The following ADH5 variants were observed in gnomAD, a reference collection of about 807,000 sequenced individuals.
ADH5 encodes alcohol dehydrogenase 5 (class III), chi polypeptide.
A neutral mutation model predicts 40.3 loss-of-function variants in ADH5; 32 were observed. That is an observed-to-expected ratio of 0.79 (90% CI 0.60 to 1.07). The LOEUF is 1.07. Ranked by LOEUF, ADH5 falls within the 50% of genes least tolerant of loss-of-function variation. The pLI is 0.00. For missense variants in ADH5, 353 were observed against 460.5 expected (o/e 0.77, Z 2.14); for synonymous variants, 125 against 154.3 (o/e 0.81, Z 1.41).
In ADH5 at chr4:99,077,005, G is replaced by A. The variant is rs1334903831; in HGVS notation, c.345-82C>T. Reference sequence around the variant, plus strand: ...GAAAAAGAAATGTTTTAAAAATAATGACCAGTAAATATTAAGAAAGTGTTG... The same window carrying A: ...GAAAAAGAAATGTTTTAAAAATAATAACCAGTAAATATTAAGAAAGTGTTG... On this transcript the variant is annotated intron_variant, in intron 4 of 8. Transcript: ENST00000296412. 1.5e-5 allele frequency: 15 copies of A among 997,024 alleles called. No homozygotes were observed. In the East Asian group the frequency reaches 3.9e-4, roughly 26 times the overall value. 61.8% of individuals were successfully genotyped at this position (997,024 alleles called of 1,614,324 possible).
intron 6 of ADH5, 191 bp from the exon 7 acceptor site, chr4:99,075,240 G>A (rs1287124606): frequency 1.4e-5 from 4 of 280,408 alleles, no homozygotes; most frequent in Admixed American, 1.3e-4. Flanking sequence ...TTTTTTTTTT[G>A]AGATAAGAGT....
At chr4:99,084,679 T>C (rs373165753) in intron 2 of ADH5, among the ~76,000 whole-genome samples, 57 of 152,368 alleles carry the variant, frequency 3.7e-4, no homozygotes, top group East Asian at 3.5e-3. Context: ...CACTTTATCC[T>C]ATGAACTCAC....
Position 99,088,691 on chromosome 4 carries a change from C to A in ADH5, c.10G>T (p.Glu4Ter). Residue 4 changes from glutamate to a stop codon, truncating the protein, a stop_gained and splice_region_variant, in exon 1 of 9, where the codon GAG becomes TAG. Coordinates refer to ENST00000296412, the MANE Select transcript of ADH5 (RefSeq NM_000671.4). LOFTEE classifies it high-confidence loss of function. MAN[E>*]VIKCKAAVAW... ...GCCCTCCGCTCAACGGGCCCTACCT[C>A]GTTCGCCATGTTCACGGATTCTGGT... 1 of 1,605,964 alleles carries A rather than the reference C, an allele frequency of 6.2e-7. No homozygotes were observed. The highest frequency in any genetic ancestry group is 1.1e-5 in the South Asian group (1 of 89,974).
At chr4:99,072,867 A>C (rs1293915192) in intron 7 of ADH5, among the ~76,000 whole-genome samples, 156 bp from the exon 8 acceptor site, 3 of 152,202 alleles carry the variant, frequency 2.0e-5, no homozygotes, top group Non-Finnish European at 4.4e-5. Context: ...TTTGACCAAC[A>C]CCTTTCAGTG....
intron 3 of ADH5, chr4:99,081,769 A>G: frequency 1.5e-6 from 1 of 654,066 alleles, no homozygotes; most frequent in South Asian, 2.9e-5. Context: ...TGTACTTAGA[A>G]AAGTTTCACA....
chr4:99,075,221 T>G (rs1727901089), intron 6 of ADH5, 172 bp from the exon 7 acceptor site: 4 of 326,636 alleles, frequency 1.2e-5, no homozygotes. Flanking sequence ...TAATTTTTTT[T>G]GTTGTTTTTT....
At chr4:99,074,680 C>T (rs766302775) in intron 7 of ADH5, among the ~76,000 whole-genome samples, 1 of 115,756 alleles carries the variant, frequency 8.6e-6, no homozygotes, top group African/African-American at 3.6e-5. Flanking sequence ...ATAGAATATG[C>T]ACCAAGTGGT....
chr4:99,080,621 C>T (rs1222509705), intron 4 of ADH5: 1 of 152,350 alleles, frequency 6.6e-6, no homozygotes, highest in Non-Finnish European at 1.5e-5. Context: ...AATGTTTCTT[C>T]AGTTGCACAA....
intron 7 of ADH5, among the ~76,000 whole-genome samples, chr4:99,073,127 C>T (rs1415264109): frequency 6.6e-6 from 1 of 152,224 alleles, no homozygotes; most frequent in Non-Finnish European, 1.5e-5. Context: ...CATATCAGAA[C>T]AGAAAACTAT....
chr4:99,088,550 G>T, intron 1 of ADH5, 139 bp downstream of exon 1: 1 of 849,562 alleles, frequency 1.2e-6, no homozygotes, highest in Non-Finnish European at 1.7e-6. Flanking sequence ...TGAGCCGCTC[G>T]CTGGGGGCCC....
intron 1 of ADH5, among the ~76,000 whole-genome samples, chr4:99,086,840 T>G (rs1728145798): frequency 1.4e-5 from 2 of 139,688 alleles, no homozygotes; most frequent in Admixed American, 1.5e-4. Flanking sequence ...CCGGGGAGGC[T>G]GAGGCAGGAG....
chr4:99,088,672 C>A lies in ADH5; in HGVS notation c.12+17G>T. On this transcript the variant is annotated intron_variant, in intron 1 of 8. Transcript: ENST00000296412. ...TCCCTCCCTTGGACTCAGGGCCCTC[C>A]GCTCAACGGGCCCTACCTCGTTCGC... is the stretch of plus-strand genomic sequence containing the variant. 6.2e-7 allele frequency: 1 copy of A among 1,607,012 alleles called. No homozygotes were observed. The highest frequency in any genetic ancestry group is 1.1e-5 in the South Asian group (1 of 89,918).
rs1189094650 is a variant in ADH5, at chr4:99,081,471, A to C, written c.257-19T>G. 6.5e-7 allele frequency: 1 copy of C among 1,535,970 alleles called. No individual in the cohort carries two copies. Among genetic ancestry groups the C allele is most frequent in the South Asian group, 1.2e-5 (1 of 86,660 alleles). On this transcript the variant is annotated intron_variant, in intron 3 of 8. Coordinates refer to ENST00000296412, the MANE Select transcript of ADH5 (RefSeq NM_000671.4). ...GTGTCACCTGGAAACAAATGCAAAG[A>C]CATCCTGAATAGGTAGTATCTATTT...
At chr4:99,077,509 AT>A (rs1257850107) in intron 4 of ADH5, among the ~76,000 whole-genome samples, 1 of 152,178 alleles carries the variant, frequency 6.6e-6, no homozygotes, top group African/African-American at 2.4e-5. Flanking sequence ...ATAAAAAAAA[AT>A]AAAACAACCT....
At chr4:99,087,790 A>T (rs1043612383) in intron 1 of ADH5, among the ~76,000 whole-genome samples, 2 of 152,238 alleles carry the variant, frequency 1.3e-5, no homozygotes, top group African/African-American at 4.8e-5. Flanking sequence ...TTCTCTGAAT[A>T]AAGACACTCA....
At chr4:99,086,939 C>CAAAAAAAA (rs58359709) in intron 1 of ADH5, among the ~76,000 whole-genome samples, 5 of 64,288 alleles carry the variant, frequency 7.8e-5, no homozygotes, top group African/African-American at 2.1e-4. Flanking sequence ...GACTGCGTCT[C>CAAAAAAAA]AAAAAAAAAA....
At chr4:99,083,955 T>C (rs1156835392) in intron 2 of ADH5, among the ~76,000 whole-genome samples, 1 of 152,180 alleles carries the variant, frequency 6.6e-6, no homozygotes, top group African/African-American at 2.4e-5. Context: ...CCACCAGAGG[T>C]TGAGAAGCAC....
intron 2 of ADH5, among the ~76,000 whole-genome samples, chr4:99,083,884 A>C (rs777735966): frequency 1.3e-5 from 2 of 152,162 alleles, no homozygotes; most frequent in Non-Finnish European, 2.9e-5. Flanking sequence ...GGTTTCAAAG[A>C]TCTCTCCAGC....
intron 7 of ADH5, among the ~76,000 whole-genome samples, chr4:99,073,557 T>G (rs1270477411): frequency 6.6e-6 from 1 of 152,230 alleles, no homozygotes; most frequent in Non-Finnish European, 1.5e-5. Flanking sequence ...ACAAGAAGCC[T>G]TCTCACCTTC....
Sources: gnomAD v4.1 joint callset for allele counts (sites outside exome capture counted in the v4.1 genomes callset) on GRCh38, gnomAD v4.1.1 for gene constraint, MANE v1.5 for transcripts, NCBI Gene and HGNC (gene_info 2026-07-23, HGNC 2026-07-21) for gene names.